The following DLG2 variants were observed in gnomAD, a reference collection of about 807,000 sequenced individuals.
DLG2 encodes discs large MAGUK scaffold protein 2.
A neutral mutation model predicts 132.5 loss-of-function variants in DLG2; 45 were observed. The observed-to-expected ratio is 0.34, with a 90% CI of 0.27 to 0.44. The LOEUF is 0.44. Among genes scored for constraint, DLG2 ranks in the 20% least tolerant of loss-of-function variants. The pLI, the probability that DLG2 is intolerant of heterozygous loss-of-function variation, is 1.00. For missense variants in DLG2, 1,045 were observed against 1,196.9 expected (o/e 0.87, Z 1.87); for synonymous variants, 424 against 419.6 (o/e 1.01, Z -0.13).
chr11:84,735,199 T>C (rs1312069939), intron 6 of DLG2, among the ~76,000 whole-genome samples: 1 of 152,196 alleles, frequency 6.6e-6, no homozygotes, highest in Middle Eastern at 3.2e-3. Flanking sequence ...ATTGGAATAG[T>C]TTCAGAAGGA....
At chr11:84,178,156 T>C (rs2096019733) in intron 8 of DLG2, among the ~76,000 whole-genome samples, 2 of 152,094 alleles carry the variant, frequency 1.3e-5, no homozygotes, top group Non-Finnish European at 2.9e-5. Flanking sequence ...ACCAGCAGCT[T>C]TACTGCCAGA....
At chr11:83,491,525 TA>T (rs1395829377) in intron 21 of DLG2, among the ~76,000 whole-genome samples, 1 of 152,000 alleles carries the variant, frequency 6.6e-6, no homozygotes, top group African/African-American at 2.4e-5. Context: ...TCATGCTAAA[TA>T]AAAGCACATC....
intron 6 of DLG2, among the ~76,000 whole-genome samples, chr11:84,759,177 C>T (rs1376339247): frequency 6.6e-6 from 1 of 152,112 alleles, no homozygotes; most frequent in Non-Finnish European, 1.5e-5. Flanking sequence ...TGCACTCAGC[C>T]CTAACTTATT....
chr11:84,990,989 A>G (rs976524946), intron 6 of DLG2, among the ~76,000 whole-genome samples: 2 of 152,200 alleles, frequency 1.3e-5, no homozygotes, highest in Non-Finnish European at 1.5e-5. Flanking sequence ...TCAATGGGTG[A>G]ATGTTAAACT....
intron 3 of DLG2, among the ~76,000 whole-genome samples, chr11:85,546,818 C>CT (rs34822004): frequency 0.042 from 2,880 of 68,962 alleles, 114 homozygotes; most frequent in Non-Finnish European, 0.046. Flanking sequence ...ATAACCCCTG[C>CT]TTTTTTTTTT....
chr11:85,281,910 A>G (rs573853611), intron 4 of DLG2, among the ~76,000 whole-genome samples: 1 of 152,012 alleles, frequency 6.6e-6, no homozygotes, highest in Non-Finnish European at 1.5e-5. Context: ...CTGTACTCCA[A>G]TGTTTATTGC....
chr11:84,140,132 A>G lies in DLG2; in HGVS notation c.624+23329T>C, dbSNP rs963648893. 1.2e-4 allele frequency among the ~76,000 whole-genome samples: 19 copies of G among 152,254 alleles called. 1 individual carries two copies. The highest frequency in any genetic ancestry group is 4.3e-4 in the African/African-American group (18 of 41,560). ...ATAAAACAAAAAAACCACAGTCACA[A>G]GAGATAATGGGAAAGGAATCAAGCT... On this transcript the variant is annotated intron_variant, in intron 9 of 27. Coordinates refer to ENST00000376104, the MANE Select transcript of DLG2 (RefSeq NM_001142699.3).
chr11:85,446,647 T>A (rs181526078), intron 3 of DLG2, among the ~76,000 whole-genome samples: 111 of 152,292 alleles, frequency 7.3e-4, no homozygotes, highest in African/African-American at 2.6e-3. Flanking sequence ...CATTAAGGCT[T>A]AAATAACTAA....
At chr11:84,997,492 C>G (rs988281152) in intron 6 of DLG2, 1 of 152,154 alleles carries the variant, frequency 6.6e-6, no homozygotes, top group African/African-American at 2.4e-5. Context: ...GGCAGAAACG[C>G]TTACTCTCTA....
At position 85,214,957 on chromosome 11, in the gene DLG2, T is replaced by C. The variant is rs1210991663; in HGVS notation, c.187-60306A>G. ...ATAATACTTTCACAATGAAAACTTATCCAAGTCAGATCTGGCCCCAAATAT... is the reference window on the plus strand; with the variant it reads ...ATAATACTTTCACAATGAAAACTTACCCAAGTCAGATCTGGCCCCAAATAT... On this transcript the variant is annotated intron_variant, in intron 4 of 27. Transcript: ENST00000376104. Among the ~76,000 whole-genome samples, 3 of 152,264 alleles carry C rather than the reference T, an allele frequency of 2.0e-5. No homozygotes were observed. The East Asian group carries it at 5.8e-4, about 29-fold the overall frequency.
chr11:83,866,441 G>A (rs77278829), intron 16 of DLG2, among the ~76,000 whole-genome samples: 3,109 of 152,050 alleles, frequency 0.02, 105 homozygotes, highest in African/African-American at 0.069. Context: ...TTTGCTCCTC[G>A]TTGGTTAATT....
At chr11:84,978,226 C>T (rs2055197959) in intron 6 of DLG2, among the ~76,000 whole-genome samples, 1 of 152,118 alleles carries the variant, frequency 6.6e-6, no homozygotes, top group African/African-American at 2.4e-5. Flanking sequence ...GTCAAAGAAA[C>T]ACTGAAGGAG....
At chr11:83,867,179 A>T (rs1017681282) in intron 16 of DLG2, among the ~76,000 whole-genome samples, 2 of 152,122 alleles carry the variant, frequency 1.3e-5, no homozygotes, top group Non-Finnish European at 2.9e-5. Flanking sequence ...AACAAAACAC[A>T]TACAAGTTTG....
At chr11:84,560,803 C>T (rs1291646920) in intron 6 of DLG2, among the ~76,000 whole-genome samples, 2 of 151,966 alleles carry the variant, frequency 1.3e-5, no homozygotes, top group Non-Finnish European at 2.9e-5. Flanking sequence ...GGTCTGAGTG[C>T]CACCCTTTGC....
At chr11:83,567,180 C>G (rs2096723217) in intron 19 of DLG2, among the ~76,000 whole-genome samples, 2 of 152,126 alleles carry the variant, frequency 1.3e-5, no homozygotes, top group African/African-American at 4.8e-5. Flanking sequence ...GCTCAGCATT[C>G]TCAACCTCAG....
intron 9 of DLG2, among the ~76,000 whole-genome samples, chr11:84,158,948 G>A (rs1036787491): frequency 6.6e-6 from 1 of 152,094 alleles, no homozygotes; most frequent in Non-Finnish European, 1.5e-5. Context: ...TCATCACAAC[G>A]GCCTTATGGG....
chr11:84,364,291 T>C (rs1325605641), intron 7 of DLG2, among the ~76,000 whole-genome samples: 2 of 152,168 alleles, frequency 1.3e-5, no homozygotes, highest in Non-Finnish European at 1.5e-5. Context: ...GGGAGTTCAC[T>C]CATGATTTGG....
chr11:84,136,412 T>C (rs936376484), intron 9 of DLG2, among the ~76,000 whole-genome samples: 4 of 152,188 alleles, frequency 2.6e-5, no homozygotes, highest in African/African-American at 9.6e-5. Flanking sequence ...TTTTGTGGAA[T>C]TTAAATAACA....
Position 85,560,715 on chromosome 11 carries a change from T to C in DLG2, c.40+37942A>G, listed in dbSNP as rs1013455811. 4.6e-5 allele frequency among the ~76,000 whole-genome samples: 7 copies of C among 151,874 alleles called. 1 individual carries two copies. Among genetic ancestry groups the C allele is most frequent in the African/African-American group, 1.7e-4 (7 of 41,418 alleles). ...AATTATATAATATGTAAATTAGTCC[T>C]CTATAAATATGTCTTTTTAAAAGTG... On this transcript the variant is annotated intron_variant, in intron 3 of 27. Coordinates refer to ENST00000376104, the MANE Select transcript of DLG2 (RefSeq NM_001142699.3).
Sources: gnomAD v4.1 joint callset for allele counts (sites outside exome capture counted in the v4.1 genomes callset) on GRCh38, gnomAD v4.1.1 for gene constraint, MANE v1.5 for transcripts, NCBI Gene and HGNC (gene_info 2026-07-23, HGNC 2026-07-21) for gene names.